The following LAMP3 variants were observed in gnomAD, a reference collection of about 807,000 sequenced individuals.
LAMP3 encodes the protein lysosome associated membrane protein 3, also known as lysosome-associated membrane glycoprotein 3.
A neutral mutation model predicts 34.8 loss-of-function variants in LAMP3; 26 were observed. The observed-to-expected ratio is 0.75, with a 90% confidence interval of 0.55 to 1.04. The LOEUF (loss-of-function observed/expected upper bound fraction) is 1.04, where lower values mean the gene tolerates loss of function less well. Ranked by LOEUF, LAMP3 falls within the 50% of genes least tolerant of loss-of-function variation. The probability of loss-of-function intolerance (pLI) is 0.00; values close to 1 mark genes in which losing one functional copy is unlikely to be tolerated. For synonymous variants in LAMP3, 180 were observed against 201.9 expected (o/e 0.89, Z 0.92); for missense variants, 495 against 524.0 (o/e 0.94, Z 0.54).
chr3:183,155,536 C>T lies in LAMP3; in HGVS notation c.50-1145G>A, dbSNP rs1375836169. ...GTCCTCCTTATATAAAATAGTTCCC[C>T]ATATCCATGATTCTCCACTGCAGTG... On this transcript the variant is annotated intron_variant, in intron 1 of 5. Coordinates refer to ENST00000265598, the MANE Select transcript of LAMP3 (RefSeq NM_014398.4). Among the ~76,000 whole-genome samples the T allele has an allele frequency of 3.3e-5, 5 of 152,336 alleles. No individual in the cohort carries two copies. In the South Asian group the frequency reaches 8.3e-4, roughly 25 times the overall value.
intron 1 of LAMP3, among the ~76,000 whole-genome samples, chr3:183,160,401 G>A (rs1720943122): frequency 6.6e-6 from 1 of 152,180 alleles, no homozygotes; most frequent in Non-Finnish European, 1.5e-5. Context: ...CTTCGTTTTT[G>A]TTTTGTTTTG....
chr3:183,131,299 T>C (rs1719911173), intron 5 of LAMP3, among the ~76,000 whole-genome samples: 1 of 152,196 alleles, frequency 6.6e-6, no homozygotes, highest in Non-Finnish European at 1.5e-5. Flanking sequence ...AAATCTTACA[T>C]TAATCATTCT....
intron 1 of LAMP3, among the ~76,000 whole-genome samples, chr3:183,159,853 T>A (rs192308302): frequency 6.6e-6 from 1 of 152,336 alleles, no homozygotes; most frequent in Non-Finnish European, 1.5e-5. Flanking sequence ...GAAGGCTGGG[T>A]GAAGGCAGCT....
chr3:183,163,311 TTTTG>T (rs1721039413), upstream of LAMP3, among the ~76,000 whole-genome samples: 1 of 147,854 alleles, frequency 6.8e-6, no homozygotes, highest in African/African-American at 2.5e-5. Context: ...TTTTGTTTTG[TTTTG>T]TTTTTTGAGA....
intron 4 of LAMP3, among the ~76,000 whole-genome samples, chr3:183,137,449 G>A (rs113987869): frequency 4.4e-4 from 67 of 152,204 alleles, no homozygotes; most frequent in African/African-American, 1.5e-3. Flanking sequence ...AAATTTCACT[G>A]GCCAGAGGAC....
At chr3:183,162,810 C>T, upstream of LAMP3, 2 of 673,184 alleles carry the variant, frequency 3.0e-6, no homozygotes, top group Non-Finnish European at 2.4e-6. Context: ...GGGAGGGAAA[C>T]TCCGCCGGCC....
In LAMP3 at chr3:183,124,228, C is replaced by G; in HGVS notation, c.1118-14G>C. On this transcript the variant is annotated splice_polypyrimidine_tract_variant and intron_variant, in intron 5 of 5. Transcript: ENST00000265598. ...AGCACTCATCCACTAAGAGAGAAAA[C>G]AAATACAATACAGTGGGTAAGGTTT... 1 of 1,556,520 alleles carries G rather than the reference C, an allele frequency of 6.4e-7. No individual in the cohort carries two copies.
At chr3:183,139,513 A>C (rs750308797) in intron 4 of LAMP3, among the ~76,000 whole-genome samples, 1 of 152,142 alleles carries the variant, frequency 6.6e-6, no homozygotes, top group Non-Finnish European at 1.5e-5. Context: ...ATAGTACTGA[A>C]CTCTAGATAT....
chr3:183,122,415 C>T lies in LAMP3; in HGVS notation c.*1666G>A, dbSNP rs904163438. On this transcript the variant is annotated 3_prime_UTR_variant, in exon 6 of 6. Transcript: ENST00000265598. ...TTCTGTTAACATCCTGACTTAGTTCCTTTCTTTAGCAGCAAAAAAAACAGC... is the reference window on the plus strand; with the variant it reads ...TTCTGTTAACATCCTGACTTAGTTCTTTTCTTTAGCAGCAAAAAAAACAGC... 6.6e-6 allele frequency: 1 copy of T among 152,102 alleles called. No individual in the cohort carries two copies. Among genetic ancestry groups the T allele is most frequent in the Non-Finnish European group, 1.5e-5 (1 of 68,018 alleles). 9.4% of individuals were successfully genotyped at this position (152,102 alleles called of 1,614,324 possible).
chr3:183,145,805 C>T (rs935072987), intron 3 of LAMP3, among the ~76,000 whole-genome samples: 2 of 152,068 alleles, frequency 1.3e-5, no homozygotes, highest in African/African-American at 2.4e-5. Context: ...TGCAGTGAGC[C>T]GAAATCATGT....
intron 2 of LAMP3, 110 bp downstream of exon 2, chr3:183,153,572 C>A: frequency 1.5e-6 from 1 of 682,082 alleles, no homozygotes. Context: ...GAGCTCACAG[C>A]TATTGGTTTC....
At chr3:183,163,653 G>A (rs1472580911), upstream of LAMP3, 2 of 152,408 alleles carry the variant, frequency 1.3e-5, no homozygotes, top group African/African-American at 4.8e-5. Context: ...TCTCAGCCGG[G>A]AGAAAGCCAG....
At chr3:183,135,968 A>T in intron 4 of LAMP3, 81 bp from the exon 5 acceptor site, 1 of 1,109,992 alleles carries the variant, frequency 9.0e-7, no homozygotes, top group Non-Finnish European at 1.4e-6. Context: ...GCCTGTGCAC[A>T]GCTAAATGGC....
intron 4 of LAMP3, 106 bp from the exon 5 acceptor site, chr3:183,135,993 AGG>A: frequency 1.1e-6 from 1 of 888,464 alleles, no homozygotes; most frequent in Non-Finnish European, 1.8e-6. Context: ...CTTCCTTCCG[AGG>A]GGCTTTCTGG....
chr3:183,159,013 C>A (rs373916652), intron 1 of LAMP3, among the ~76,000 whole-genome samples: 126 of 152,248 alleles, frequency 8.3e-4, no homozygotes, highest in African/African-American at 2.9e-3. Flanking sequence ...ATCCTCCCAC[C>A]TCAGCCTTTC....
At chr3:183,139,603 A>G (rs1388468165) in intron 4 of LAMP3, among the ~76,000 whole-genome samples, 2 of 152,210 alleles carry the variant, frequency 1.3e-5, no homozygotes, top group African/African-American at 2.4e-5. Context: ...ATTACAAACA[A>G]TAACTAATGA....
At chr3:183,140,333 G>A (rs1472806280) in intron 4 of LAMP3, among the ~76,000 whole-genome samples, 1 of 146,352 alleles carries the variant, frequency 6.8e-6, no homozygotes, top group Non-Finnish European at 1.5e-5. Context: ...CTTGAACACG[G>A]GAGGCAGAGG....
At chr3:183,128,516 AT>A in intron 5 of LAMP3, among the ~76,000 whole-genome samples, 1 of 151,982 alleles carries the variant, frequency 6.6e-6, no homozygotes, top group Non-Finnish European at 1.5e-5. Context: ...GCTTGTTTTC[AT>A]TTTTTTGCTA....
chr3:183,155,029 C>T (rs1485360510), intron 1 of LAMP3, among the ~76,000 whole-genome samples: 1 of 152,180 alleles, frequency 6.6e-6, no homozygotes, highest in Non-Finnish European at 1.5e-5. Context: ...ATTCTCCAGC[C>T]TCAGCCTCGT....
Sources: gnomAD v4.1 joint callset for allele counts (sites outside exome capture counted in the v4.1 genomes callset) on GRCh38, gnomAD v4.1.1 for gene constraint, MANE v1.5 for transcripts, NCBI Gene and HGNC (gene_info 2026-07-23, HGNC 2026-07-21) for gene names.